Variants in TGS1 observed in about 807,000 individuals in gnomAD.
TGS1 encodes trimethylguanosine synthase.
A neutral mutation model predicts 92.2 loss-of-function variants in TGS1; 69 were observed. That is an observed-to-expected ratio of 0.75 (90% CI 0.62 to 0.91). The LOEUF (loss-of-function observed/expected upper bound fraction) is 0.91, where lower values mean the gene tolerates loss of function less well. Ranked by LOEUF, TGS1 falls within the 40% of genes least tolerant of loss-of-function variation. TGS1 has a pLI of 0.00. For synonymous variants in TGS1, 345 were observed against 338.1 expected, an observed-to-expected ratio of 1.02 and a Z score of -0.22; for missense variants, 1,062 against 1,001.2, an observed-to-expected ratio of 1.06 and a Z score of -0.82.
At chr8:55,779,043 T>G (rs1295713080) in intron 1 of TGS1, among the ~76,000 whole-genome samples, 1 of 152,180 alleles carries the variant, frequency 6.6e-6, no homozygotes, top group Non-Finnish European at 1.5e-5. Context: ...AGTCAGTAGT[T>G]AAGATTTATT....
intron 3 of TGS1, 149 bp from the exon 4 acceptor site, chr8:55,786,089 A>G (rs1811701025): frequency 1.4e-6 from 1 of 691,270 alleles, no homozygotes; most frequent in East Asian, 2.8e-5. Context: ...TTGGAAACTT[A>G]GATAGTATAT....
At chr8:55,785,478 C>T (rs1811681593) in intron 2 of TGS1, among the ~76,000 whole-genome samples, 1 of 152,068 alleles carries the variant, frequency 6.6e-6, no homozygotes, top group South Asian at 2.1e-4. Flanking sequence ...GGCAAGAGGA[C>T]TGACTGAGCC....
intron 7 of TGS1, among the ~76,000 whole-genome samples, chr8:55,796,551 G>A (rs189559313): frequency 2.0e-4 from 31 of 152,186 alleles, no homozygotes; most frequent in African/African-American, 6.3e-4. Flanking sequence ...AGCTGAGCAT[G>A]GTGGCGCTTG....
In TGS1 at chr8:55,825,925, A is replaced by C. The variant is rs1259253253; in HGVS notation, c.*1222A>C. On this transcript the variant is annotated 3_prime_UTR_variant, in exon 13 of 13. Transcript: ENST00000260129. Reference sequence around the variant, plus strand: ...TGCTCTGTCGCCCAGGCTGGAGTGCAATGGCGTGATCTCAGCTTACTGCAA... The same window carrying C: ...TGCTCTGTCGCCCAGGCTGGAGTGCCATGGCGTGATCTCAGCTTACTGCAA... Among the ~76,000 whole-genome samples, 1 of 151,004 alleles carries C rather than the reference A, an allele frequency of 6.6e-6. No homozygotes were observed.
chr8:55,779,645 G>A (rs1811504457), intron 1 of TGS1, among the ~76,000 whole-genome samples: 1 of 152,132 alleles, frequency 6.6e-6, no homozygotes, highest in Non-Finnish European at 1.5e-5. Flanking sequence ...CTACTTTTAG[G>A]AAGCCCTCCT....
intron 10 of TGS1, among the ~76,000 whole-genome samples, chr8:55,808,503 CTTTT>C (rs1563465972): frequency 8.8e-6 from 1 of 113,172 alleles, no homozygotes; most frequent in East Asian, 2.4e-4. Flanking sequence ...CTTTCTTTTT[CTTTT>C]TTTCTTTTTT....
chr8:55,788,191 G>T (rs1811773663), intron 4 of TGS1, among the ~76,000 whole-genome samples: 1 of 152,234 alleles, frequency 6.6e-6, no homozygotes, highest in South Asian at 2.1e-4. Context: ...TTGGCATCCT[G>T]ATGTTACATG....
intron 12 of TGS1, among the ~76,000 whole-genome samples, chr8:55,817,282 TGGTA>T (rs1321735407): frequency 3.3e-5 from 5 of 152,210 alleles, no homozygotes; most frequent in Non-Finnish European, 7.3e-5. Context: ...TACTTTATTT[TGGTA>T]GGTAGGTAAG....
chr8:55,820,334 G>T (rs1365301226), intron 12 of TGS1, among the ~76,000 whole-genome samples: 2 of 152,114 alleles, frequency 1.3e-5, no homozygotes, highest in African/African-American at 4.8e-5. Flanking sequence ...ATCACCTGAG[G>T]TCAGGAGTTT....
chr8:55,804,912 A>AC lies in TGS1; in HGVS notation c.2022dup (p.Glu675ArgfsTer5). 6.2e-7 allele frequency: 1 copy of AC among 1,613,866 alleles called. No individual in the cohort carries two copies. ...TTGCAGAGGGCTGGTTTTCAGTTAC[A>AC]CCCGAGAAGATTGCTGAACACATTG... On this transcript the variant is annotated frameshift_variant, in exon 10 of 13. Transcript: ENST00000260129. LOFTEE classifies it high-confidence loss of function.
At chr8:55,805,200 T>C (rs1404821316) in intron 10 of TGS1, among the ~76,000 whole-genome samples, 164 bp downstream of exon 10, 1 of 152,210 alleles carries the variant, frequency 6.6e-6, no homozygotes, top group African/African-American at 2.4e-5. Context: ...TACTTTGTAT[T>C]GCATACTGGT....
chr8:55,794,510 TC>T (rs1352146566), intron 6 of TGS1, among the ~76,000 whole-genome samples: 1 of 152,174 alleles, frequency 6.6e-6, no homozygotes, highest in Non-Finnish European at 1.5e-5. Flanking sequence ...ACACCTGTAA[TC>T]CCAGCACTTT....
rs1803282692 is a variant in TGS1, at chr8:55,809,476, G to A, written c.2144-1405G>A. Among the ~76,000 whole-genome samples the A allele has an allele frequency of 2.0e-5, 3 of 147,566 alleles. No homozygotes were observed. In the Admixed American group the frequency reaches 2.0e-4, roughly 10 times the overall value. ...GCATTTTTTTTTTTTTTGCAGTTGT[G>A]GGGTGCAGGTGTTTCGCTCTGTCAC... On this transcript the variant is annotated intron_variant, in intron 10 of 12. Coordinates refer to ENST00000260129, the MANE Select transcript of TGS1 (RefSeq NM_024831.8).
intron 10 of TGS1, among the ~76,000 whole-genome samples, chr8:55,808,800 A>T (rs1288858719): frequency 6.6e-6 from 1 of 151,640 alleles, no homozygotes; most frequent in Non-Finnish European, 1.5e-5. Context: ...ATGAGCCACC[A>T]CCCCTAGCCT....
intron 1 of TGS1, among the ~76,000 whole-genome samples, chr8:55,780,870 T>G (rs1811540624): frequency 6.6e-6 from 1 of 152,216 alleles, no homozygotes; most frequent in East Asian, 1.9e-4. Context: ...TGTCTCTGAT[T>G]TGGCCAGAGT....
chr8:55,797,155 C>T (rs1340941288), intron 7 of TGS1, among the ~76,000 whole-genome samples: 1 of 152,150 alleles, frequency 6.6e-6, no homozygotes, highest in Non-Finnish European at 1.5e-5. Flanking sequence ...ACTCACAGTT[C>T]TGCAGGGCTG....
intron 1 of TGS1, among the ~76,000 whole-genome samples, chr8:55,778,357 C>T (rs1029312190): frequency 6.6e-6 from 1 of 152,168 alleles, no homozygotes; most frequent in Non-Finnish European, 1.5e-5. Context: ...TACTATGCTA[C>T]CAGTTGGCAT....
At chr8:55,805,224 A>G (rs1812333093) in intron 10 of TGS1, among the ~76,000 whole-genome samples, 188 bp downstream of exon 10, 1 of 152,206 alleles carries the variant, frequency 6.6e-6, no homozygotes, top group African/African-American at 2.4e-5. Context: ...AATGCTTCCT[A>G]CAGTTGACCC....
chr8:55,801,582 C>CCTTGTTTT (rs1214681045), intron 8 of TGS1, among the ~76,000 whole-genome samples: 1 of 48,200 alleles, frequency 2.1e-5, no homozygotes. Context: ...CCCCATCGTT[C>CCTTGTTTT]TTTTTTTTTT....
Sources: allele counts gnomAD v4.1 joint callset (sites outside exome capture counted in the v4.1 genomes callset), GRCh38; gene constraint gnomAD v4.1.1; transcripts MANE v1.5; gene names NCBI Gene and HGNC (gene_info 2026-07-23, HGNC 2026-07-21).